RPAP1: variants seen among roughly 807,000 people sequenced by gnomAD.
The protein encoded by RPAP1 is RNA polymerase II-associated protein 1.
Under a neutral mutation model 142.4 loss-of-function variants are expected in RPAP1, and 109 were observed. That is an observed-to-expected ratio of 0.77 (90% CI 0.66 to 0.90). The LOEUF is 0.90. Ranked by LOEUF, RPAP1 falls within the 40% of genes least tolerant of loss-of-function variation. The pLI, the probability that RPAP1 is intolerant of heterozygous loss-of-function variation, is 0.00. For missense variants in RPAP1, 1,546 were observed against 1,751.7 expected (o/e 0.88, Z 2.10); for synonymous variants, 704 against 738.9 (o/e 0.95, Z 0.77).
Position 41,527,189 on chromosome 15 carries a change from T to G in RPAP1, c.1724A>C (p.His575Pro). ...ILAVLIRLAR[H>P]SLESATRVLE... ...CACCCTTGTGGCTGATTCCAGGGAA[T>G]GCCGGGCCAGGCGGATGAGCACAGC... The change falls in exon 13 of 25, where the codon CAT becomes CCT. Residue 575 changes from histidine (H) to proline (P), a missense_variant. Coordinates refer to ENST00000304330, the MANE Select transcript of RPAP1 (RefSeq NM_015540.4). 6.2e-7 allele frequency: 1 copy of G among 1,614,200 alleles called. No homozygotes were observed. Among genetic ancestry groups the G allele is most frequent in the East Asian group, 2.2e-5 (1 of 44,886 alleles).
chr15:41,532,725 C>T (rs538586303), intron 6 of RPAP1, among the ~76,000 whole-genome samples: 6 of 151,944 alleles, frequency 3.9e-5, no homozygotes, highest in Non-Finnish European at 5.9e-5. Flanking sequence ...AAAAAAAAAT[C>T]GCAGCACTTC....
At position 41,520,953 on chromosome 15, in the gene RPAP1, C is replaced by T. The variant is rs754722474; in HGVS notation, c.3233G>A (p.Arg1078Gln). The part of the protein sequence containing the change: ...ASLLASQALH[R>Q]GELQRVPTLL... Reference sequence around the variant, plus strand: ...GGTTGGGACTCGCTGTAGCTCCCCTCGGTGCAGAGCCTGGGAGGCCAGCAG... The same window carrying T: ...GGTTGGGACTCGCTGTAGCTCCCCTTGGTGCAGAGCCTGGGAGGCCAGCAG... Residue 1078 changes from arginine to glutamine, a missense_variant, in exon 22 of 25, where the codon CGA (arginine) becomes CAA (glutamine). By Grantham distance (43) the Arg-to-Gln change is conservative. Around this residue, in one of 3 missense-constraint regions of RPAP1, gnomAD observed 1,333 missense variants for 1,486.6 expected, o/e 0.90. Transcript: ENST00000304330. The T allele has an allele frequency of 2.5e-6, 4 of 1,610,658 alleles. No individual in the cohort carries two copies. The highest frequency in any genetic ancestry group is 1.7e-4 in the Middle Eastern group (1 of 6,040).
rs1206689823 is a variant in RPAP1 at position 41,536,489 on chromosome 15, A to G, written c.330+12T>C. 9.3e-6 allele frequency: 15 copies of G among 1,613,736 alleles called. 1 individual carries two copies. In the South Asian group the frequency reaches 1.4e-4, roughly 15 times the overall value. ...AGAACATCTTATCCTACTCAGCCAG[A>G]GTGAGACGCACAATAATCTTAGTCA... On this transcript the variant is annotated intron_variant, in intron 3 of 24. Coordinates refer to ENST00000304330, the MANE Select transcript of RPAP1 (RefSeq NM_015540.4).
chr15:41,527,271 G>T lies in RPAP1; in HGVS notation c.1642C>A (p.Leu548Met). The T allele has an allele frequency of 3.1e-6, 5 of 1,614,230 alleles. No individual in the cohort carries two copies. The highest frequency in any genetic ancestry group is 2.2e-5 in the East Asian group (1 of 44,884). The change falls in exon 13 of 25, where the codon CTG becomes ATG. Residue 548 changes from leucine to methionine, a missense_variant. By Grantham distance (15) the Leu-to-Met change is conservative. Coordinates refer to ENST00000304330, the MANE Select transcript of RPAP1 (RefSeq NM_015540.4). ...GLLATSLLPR[L>M]RYVLEVTYPG... ...TATGTCACCTCCAGCACGTAGCGCA[G>T]CCGAGGCAGCAGGCTGGTAGCCAGG...
rs527906222 is a variant in RPAP1 at position 41,540,927 on chromosome 15, G to T, written c.-77+3292C>A. Among the ~76,000 whole-genome samples the T allele has an allele frequency of 4.6e-5, 7 of 152,268 alleles. No homozygotes were observed. In the South Asian group the frequency reaches 1.5e-3, roughly 32 times the overall value. On this transcript the variant is annotated intron_variant, in intron 1 of 24. Transcript: ENST00000304330. The stretch of plus-strand genomic sequence containing the variant: ...TGGGAAGCTGTCCTGCGCACTGTAG[G>T]ATGTTTAGCGGCATTCCTGGCTTTT...
chr15:41,534,813 G>T lies in RPAP1; in HGVS notation c.664C>A (p.Gln222Lys). ...GKGLRDQEAE[Q>K]EAQTIHEENI... ...TCTTCATGGATAGTCTGGGCTTCCT[G>T]CTCAGCTTCTTGATCCCTGAGCCCC... Residue 222 changes from glutamine to lysine, a missense_variant, in exon 6 of 25, where the codon CAG (glutamine) becomes AAG (lysine). Coordinates refer to ENST00000304330, the MANE Select transcript of RPAP1 (RefSeq NM_015540.4). The T allele has an allele frequency of 1.2e-6, 2 of 1,614,076 alleles. No homozygotes were observed. The highest frequency in any genetic ancestry group is 1.7e-6 in the Non-Finnish European group (2 of 1,180,008).
At chr15:41,522,710 G>C in intron 19 of RPAP1, 55 bp downstream of exon 19, 1 of 638,614 alleles carries the variant, frequency 1.6e-6, no homozygotes, top group East Asian at 5.9e-5. Flanking sequence ...CTTTCTTTCT[G>C]ATTCCTGCCA....
intron 22 of RPAP1, chr15:41,519,799 A>G (rs949460189): frequency 6.5e-6 from 1 of 153,786 alleles, no homozygotes; most frequent in Non-Finnish European, 1.4e-5. Context: ...GATACCACCT[A>G]GCATCTGAAT....
At chr15:41,530,503 C>G (rs1391931721) in intron 7 of RPAP1, among the ~76,000 whole-genome samples, 2 of 152,300 alleles carry the variant, frequency 1.3e-5, no homozygotes, top group South Asian at 2.1e-4. Context: ...GTTCCTGGCT[C>G]TCATAATTCA....
rs760825336 is a variant in RPAP1, at chr15:41,525,155, A to G, written c.1918-7T>C. The G allele has an allele frequency of 4.4e-6, 7 of 1,603,700 alleles. No homozygotes were observed. In the South Asian group the frequency reaches 6.7e-5, roughly 15 times the overall value. On this transcript the variant is annotated splice_polypyrimidine_tract_variant and splice_region_variant and intron_variant, in intron 14 of 24. Transcript: ENST00000304330. Reference sequence around the variant, plus strand: ...GGAGATCAAAGCTGCTCAACTGGAAATGGGCACAGTCTGAGGATCAGGGTC... The same window carrying G: ...GGAGATCAAAGCTGCTCAACTGGAAGTGGGCACAGTCTGAGGATCAGGGTC...
At chr15:41,539,637 A>G (rs1204196618) in intron 1 of RPAP1, among the ~76,000 whole-genome samples, 1 of 151,768 alleles carries the variant, frequency 6.6e-6, no homozygotes, top group African/African-American at 2.4e-5. Context: ...ACCATGTTGT[A>G]CAGGCTGGTC....
Position 41,520,580 on chromosome 15 carries a change from A to C in RPAP1, c.3606T>G (p.Pro1202=). 2 of 1,614,232 alleles carry C rather than the reference A, an allele frequency of 1.2e-6. No individual in the cohort carries two copies. Among genetic ancestry groups the C allele is most frequent in the Non-Finnish European group, 1.7e-6 (2 of 1,180,036 alleles). ...AGAGGTCAGGGAAAGACGTCAGGCC[A>C]GGGAGTCGGCAGTCCAGGTTGAGGT... ...LPNLNLDCRL[P]GLTSFPDLYA... Residue 1202 remains proline, a synonymous_variant, in exon 22 of 25, where the codon CCT becomes CCG. Coordinates refer to ENST00000304330, the MANE Select transcript of RPAP1 (RefSeq NM_015540.4).
In RPAP1 at chr15:41,522,739, C is replaced by G. The variant is rs200260476; in HGVS notation, c.2742+26G>C. The G allele has an allele frequency of 3.4e-4, 471 of 1,382,078 alleles. 3 individuals carry two copies. The African/African-American group carries it at 5.7e-3, about 17-fold the overall frequency. The allele number at this position is 1,382,078 out of a possible 1,614,324, so 85.6% of individuals were successfully genotyped here. A position where few individuals can be genotyped will look rare whatever the true frequency, so the allele number is the denominator to read the frequency against. On this transcript the variant is annotated intron_variant, in intron 19 of 24. Coordinates refer to ENST00000304330, the MANE Select transcript of RPAP1 (RefSeq NM_015540.4). ...CCTGCCATCTTGGCCCCTTGCCTGGCCCCTAATCAGGCACCCCACACTTAC... is the reference window on the plus strand; with the variant it reads ...CCTGCCATCTTGGCCCCTTGCCTGGGCCCTAATCAGGCACCCCACACTTAC...
Position 41,520,818 on chromosome 15 carries a change from G to A in RPAP1, c.3368C>T (p.Thr1123Ile), listed in dbSNP as rs1247602046. The A allele has an allele frequency of 3.1e-6, 5 of 1,613,928 alleles. No individual in the cohort carries two copies. The highest frequency in any genetic ancestry group is 4.2e-6 in the Non-Finnish European group (5 of 1,180,030). The change falls in exon 22 of 25, where the codon ACA becomes ATA. Residue 1123 changes from threonine (T) to isoleucine (I), a missense_variant. Thr to Ile is a moderately conservative substitution (Grantham distance 89). Transcript: ENST00000304330. ...CCGCATGGCTGTGCCCATGGTGTCTGTGGGAGAGAGTCCCGAGGGGGTGTC... is the reference window on the plus strand; with the variant it reads ...CCGCATGGCTGTGCCCATGGTGTCTATGGGAGAGAGTCCCGAGGGGGTGTC... ...ASDTPSGLSP[T>I]DTMGTAMRVL... is the part of the protein sequence containing the mutation.
chr15:41,523,587 A>T (rs2051755406), intron 17 of RPAP1, among the ~76,000 whole-genome samples, 184 bp downstream of exon 17: 1 of 152,202 alleles, frequency 6.6e-6, no homozygotes, highest in Admixed American at 6.5e-5. Flanking sequence ...CCCCACCAAC[A>T]TGGCTCCTGG....
Position 41,536,666 on chromosome 15 carries a change from C to T in RPAP1, c.182-17G>A. On this transcript the variant is annotated splice_polypyrimidine_tract_variant and intron_variant, in intron 2 of 24. Coordinates refer to ENST00000304330, the MANE Select transcript of RPAP1 (RefSeq NM_015540.4). ...CTGGGAGATCTGAGAAAGAAAAGAT[C>T]CCAAACGTGAGTATATGCACACCTT... 2 of 1,612,042 alleles carry T rather than the reference C, an allele frequency of 1.2e-6. No homozygotes were observed. Among genetic ancestry groups the T allele is most frequent in the Non-Finnish European group, 1.7e-6 (2 of 1,179,778 alleles).
intron 14 of RPAP1, among the ~76,000 whole-genome samples, chr15:41,525,547 C>G (rs1290922283): frequency 6.6e-6 from 1 of 152,020 alleles, no homozygotes; most frequent in Non-Finnish European, 1.5e-5. Flanking sequence ...TTATGTTGGC[C>G]AGGCTGGTGT....
rs1254121653 is a variant in RPAP1, at chr15:41,537,194, A to T, written c.-69T>A. The T allele has an allele frequency of 1.4e-6, 2 of 1,481,118 alleles. No homozygotes were observed. The highest frequency in any genetic ancestry group is 1.8e-6 in the Non-Finnish European group (2 of 1,088,360). 91.7% of individuals were successfully genotyped at this position (1,481,118 alleles called of 1,614,324 possible). A position where few individuals can be genotyped will look rare whatever the true frequency, so the allele number is the denominator to read the frequency against. On this transcript the variant is annotated 5_prime_UTR_variant, in exon 2 of 25. The change abolishes the stop of an existing upstream ORF in the 5' untranslated region. Coordinates refer to ENST00000304330, the MANE Select transcript of RPAP1 (RefSeq NM_015540.4). ...TGTCTCCGTGTGGGGGTTCCCTCTT[A>T]TTCATCCCTAAGAGCAAGAAAGAAT...
intron 7 of RPAP1, 59 bp downstream of exon 7, chr15:41,530,964 A>G: frequency 6.6e-7 from 1 of 1,520,170 alleles, no homozygotes; most frequent in Non-Finnish European, 9.0e-7. Flanking sequence ...CAGGCCTAGG[A>G]AAAGGGACAA....
Sources: allele counts gnomAD v4.1 joint callset (sites outside exome capture counted in the v4.1 genomes callset), GRCh38; gene constraint gnomAD v4.1.1; regional missense constraint gnomAD v4.1.1; transcripts MANE v1.5; gene names NCBI Gene and HGNC (gene_info 2026-07-23, HGNC 2026-07-21).